Variants in CLCNKA observed in about 807,000 individuals in gnomAD.
CLCNKA encodes the protein chloride voltage-gated channel Ka, also known as chloride channel protein ClC-Ka.
Under a neutral mutation model 83.3 loss-of-function variants are expected in CLCNKA, and 66 were observed. That is an observed-to-expected ratio of 0.79 (90% CI 0.65 to 0.97). CLCNKA has a LOEUF of 0.97. CLCNKA is among the 50% of genes least tolerant of loss of function. The pLI, the probability that CLCNKA is intolerant of heterozygous loss-of-function variation, is 0.00. For missense variants in CLCNKA, 806 were observed against 888.7 expected (o/e 0.91, Z 1.18); for synonymous variants, 357 against 370.4 (o/e 0.96, Z 0.42).
Position 16,029,776 on chromosome 1 carries a change from T to A in CLCNKA, c.1273T>A (p.Tyr425Asn). 1 of 1,614,144 alleles carries A rather than the reference T, an allele frequency of 6.2e-7. No individual in the cohort carries two copies. Among genetic ancestry groups the A allele is most frequent in the East Asian group, 2.2e-5 (1 of 44,866 alleles). The change falls in exon 13 of 20, where the codon TAC (tyrosine) becomes AAC (asparagine). Residue 425 changes from tyrosine (Y) to asparagine (N), a missense_variant. By Grantham distance (143) the Tyr-to-Asn change is moderately radical (BLOSUM62 -2). Coordinates refer to ENST00000331433, the MANE Select transcript of CLCNKA (RefSeq NM_004070.4). ...LATTIPMPAG[Y>N]FMPIFILGAA... ...CACCACCATCCCCATGCCTGCCGGGTACTTCATGCCCATCTTTATCCTTGG... is the reference window on the plus strand; with the variant it reads ...CACCACCATCCCCATGCCTGCCGGGAACTTCATGCCCATCTTTATCCTTGG...
In CLCNKA at chr1:16,022,691, CT is replaced by C. The variant is rs1557446844; in HGVS notation, c.73del (p.Cys25ValfsTer15). Reference protein sequence around the residue: ...PVTLQELWGPCPHIRRAIQGG... With the variant: ...PVTLQELWGPXPHIRRAIQGG... ...TGACTCTGCAGGAGCTGTGGGGCCC[CT>C]GTCCCCACATCCGCCGAGCCATCCA... On this transcript the variant is annotated frameshift_variant, in exon 2 of 20. Transcript: ENST00000331433. LOFTEE classifies it high-confidence loss of function. 1.9e-6 allele frequency: 3 copies of C among 1,552,854 alleles called. No individual in the cohort carries two copies. The highest frequency in any genetic ancestry group is 1.9e-5 in the Admixed American group (1 of 51,348).
chr1:16,022,811 C>T (rs2022190454), intron 2 of CLCNKA, 92 bp downstream of exon 2: 19 of 907,070 alleles, frequency 2.1e-5, no homozygotes, highest in South Asian at 4.1e-5. Flanking sequence ...CCAGGAACCA[C>T]CCTCCTGTCA....
chr1:16,026,458 G>C (rs750503425), intron 5 of CLCNKA, 78 bp from the exon 6 acceptor site: 1 of 1,581,372 alleles, frequency 6.3e-7, no homozygotes, highest in African/African-American at 1.3e-5. Flanking sequence ...GGAGGAGGGG[G>C]TGTGGTGGGG....
intron 10 of CLCNKA, chr1:16,028,467 C>G: frequency 1.6e-6 from 1 of 620,670 alleles, no homozygotes; most frequent in Admixed American, 2.4e-5. Context: ...ATGGCCCGCC[C>G]CGGCCCGGCC....
At chr1:16,028,711 G>A (rs368024141) in intron 10 of CLCNKA, 50 bp from the exon 11 acceptor site, 23 of 1,604,276 alleles carry the variant, frequency 1.4e-5, no homozygotes, top group South Asian at 1.1e-4. Context: ...CCCTCTCCTC[G>A]GGATGTAGGA....
intron 18 of CLCNKA, 123 bp from the exon 19 acceptor site, chr1:16,033,047 C>A: frequency 2.0e-6 from 2 of 1,021,106 alleles, no homozygotes; most frequent in African/African-American, 1.6e-5. Context: ...AGGCCTGGGT[C>A]TGTTGCCTCC....
intron 19 of CLCNKA, 35 bp downstream of exon 19, chr1:16,033,291 A>G (rs1412407859): frequency 6.2e-7 from 1 of 1,607,564 alleles, no homozygotes; most frequent in African/African-American, 1.3e-5. Context: ...AAAGCAGGGG[A>G]CCCATGCCTG....
intron 4 of CLCNKA, 142 bp from the exon 5 acceptor site, chr1:16,025,966 G>T: frequency 2.8e-6 from 3 of 1,068,188 alleles, no homozygotes; most frequent in Non-Finnish European, 4.3e-6. Context: ...ATGTTGGCAA[G>T]GCTGGTCTCG....
chr1:16,027,210 C>A (rs1173708179), intron 7 of CLCNKA, 100 bp from the exon 8 acceptor site: 11 of 1,545,914 alleles, frequency 7.1e-6, no homozygotes, highest in Non-Finnish European at 9.8e-6. Flanking sequence ...TGTAGGACAG[C>A]AGGACAGATG....
At chr1:16,033,330 G>T in intron 19 of CLCNKA, 74 bp downstream of exon 19, 2 of 1,504,786 alleles carry the variant, frequency 1.3e-6, no homozygotes, top group South Asian at 2.3e-5. Context: ...GGAGGTGGGG[G>T]GACACCAGCA....
intron 2 of CLCNKA, 107 bp from the exon 3 acceptor site, chr1:16,023,693 C>A: frequency 7.2e-7 from 1 of 1,396,634 alleles, no homozygotes; most frequent in Non-Finnish European, 1.0e-6. Flanking sequence ...CTACCCCAGA[C>A]TCAACTACCA....
chr1:16,032,747 G>A (rs1226175735), intron 18 of CLCNKA, among the ~76,000 whole-genome samples: 1 of 152,252 alleles, frequency 6.6e-6, no homozygotes, highest in South Asian at 2.1e-4. Context: ...CTTGGCAAAT[G>A]GAAGTCTCTG....
At chr1:16,028,245 C>G in intron 10 of CLCNKA, 126 bp downstream of exon 10, 3 of 876,718 alleles carry the variant, frequency 3.4e-6, no homozygotes, top group East Asian at 2.6e-5. Flanking sequence ...CGTGGAGCAT[C>G]TAACAACCCT....
At position 16,028,838 on chromosome 1, in the gene CLCNKA, C is replaced by G; in HGVS notation, c.1046C>G (p.Ala349Gly). The change falls in exon 11 of 20, where the codon GCT (alanine) becomes GGT (glycine). Residue 349 changes from alanine to glycine, a missense_variant. By Grantham distance (60) the Ala-to-Gly change is moderately conservative. Coordinates refer to ENST00000331433, the MANE Select transcript of CLCNKA (RefSeq NM_004070.4). ...TYPPGVGHFL[A>G]SRLSMKQHLD... The stretch of plus-strand genomic sequence containing the variant: ...CCGCCTGGTGTGGGCCACTTCCTAG[C>G]TTCTCGGGTAAGGGGTCCTGAGCGG... 1.2e-6 allele frequency: 2 copies of G among 1,614,076 alleles called. No individual in the cohort carries two copies. The highest frequency in any genetic ancestry group is 1.1e-5 in the South Asian group (1 of 91,086).
At chr1:16,029,007 G>A (rs2022500619) in intron 11 of CLCNKA, 119 bp from the exon 12 acceptor site, 2 of 1,528,096 alleles carry the variant, frequency 1.3e-6, no homozygotes, top group East Asian at 4.7e-5. Context: ...CCCTGCCCAA[G>A]GCCCCCCGCT....
At chr1:16,027,090 G>A (rs939200878) in intron 7 of CLCNKA, among the ~76,000 whole-genome samples, 4 of 152,230 alleles carry the variant, frequency 2.6e-5, no homozygotes, top group Non-Finnish European at 5.9e-5. Flanking sequence ...CCACCCGATA[G>A]GGAGAGGGCG....
Position 16,026,759 on chromosome 1 carries a change from T to G in CLCNKA, c.639T>G (p.Phe213Leu). Residue 213 changes from phenylalanine (F) to leucine (L), a missense_variant, in exon 7 of 20, where the codon TTT (phenylalanine) becomes TTG (leucine). Phe to Leu is a conservative substitution (Grantham distance 22). Coordinates refer to ENST00000331433, the MANE Select transcript of CLCNKA (RefSeq NM_004070.4). Reference protein sequence around the residue: ...AAAAVGVATVFAAPFSGVLFS... With the variant: ...AAAAVGVATVLAAPFSGVLFS... ...CGGCAGTGGGCGTGGCCACAGTCTT[T>G]GCAGCTCCCTTCAGCGGTGAGACCC... The G allele has an allele frequency of 6.2e-7, 1 of 1,613,542 alleles. No homozygotes were observed.
Position 16,023,739 on chromosome 1 carries a change from G to A in CLCNKA, c.101-61G>A, listed in dbSNP as rs1244100078. On this transcript the variant is annotated intron_variant, in intron 2 of 19. Coordinates refer to ENST00000331433, the MANE Select transcript of CLCNKA (RefSeq NM_004070.4). ...TGCCTGGAGCCAAGCAGACCTCCAG[G>A]GAAGGGGCTGTCTGTGCCCCTTGCC... The A allele has an allele frequency of 3.7e-6, 6 of 1,607,728 alleles. No individual in the cohort carries two copies. The African/African-American group carries it at 8.0e-5, about 21-fold the overall frequency.
Position 16,027,363 on chromosome 1 carries a change from T to C in CLCNKA, c.709T>C (p.Trp237Arg). The C allele has an allele frequency of 6.2e-7, 1 of 1,613,792 alleles. No individual in the cohort carries two copies. Among genetic ancestry groups the C allele is most frequent in the Non-Finnish European group, 8.5e-7 (1 of 1,180,004 alleles). The change falls in exon 8 of 20, where the codon TGG becomes CGG. Residue 237 changes from tryptophan (W) to arginine (R), a missense_variant. By Grantham distance (101) the Trp-to-Arg change is moderately radical (BLOSUM62 -3). Coordinates refer to ENST00000331433, the MANE Select transcript of CLCNKA (RefSeq NM_004070.4). ...TTCCCACTTCTCTGTCCGGGATTAC[T>C]GGAGGGGCTTCTTTGCGGCCACCTG... is the stretch of plus-strand genomic sequence containing the variant. The part of the protein sequence containing the change: ...MSSHFSVRDY[W>R]RGFFAATCGA...
Sources: allele counts gnomAD v4.1 joint callset (sites outside exome capture counted in the v4.1 genomes callset), GRCh38; gene constraint gnomAD v4.1.1; transcripts MANE v1.5; gene names NCBI Gene and HGNC (gene_info 2026-07-23, HGNC 2026-07-21).